GREB1L: variants seen among roughly 807,000 people sequenced by gnomAD.
GREB1L encodes GREB1 like retinoic acid receptor coactivator.
Under a neutral mutation model 200.8 loss-of-function variants are expected in GREB1L, and 17 were observed. The ratio of observed to expected loss-of-function variants is 0.08; its 90% CI spans 0.06 to 0.13. GREB1L has a LOEUF of 0.13. Ranked by LOEUF, GREB1L falls within the 10% of genes least tolerant of loss-of-function variation. The probability of loss-of-function intolerance (pLI) is 1.00; values close to 1 mark genes in which losing one functional copy is unlikely to be tolerated. For missense variants in GREB1L, 1,657 were observed against 2,367.7 expected (o/e 0.70, Z 6.23); for synonymous variants, 789 against 893.0 (o/e 0.88, Z 2.08).
chr18:21,383,966 C>A (rs903133958), intron 3 of GREB1L, among the ~76,000 whole-genome samples: 1 of 151,962 alleles, frequency 6.6e-6, no homozygotes, highest in African/African-American at 2.4e-5. Context: ...CGCCCGCCTC[C>A]GCCTCCCAAA....
At chr18:21,368,700 A>T (rs1319323387) in intron 2 of GREB1L, among the ~76,000 whole-genome samples, 2 of 152,176 alleles carry the variant, frequency 1.3e-5, no homozygotes, top group African/African-American at 4.8e-5. Context: ...CTAAGGCACA[A>T]TTTGATTTGC....
intron 1 of GREB1L, among the ~76,000 whole-genome samples, chr18:21,344,331 G>A (rs1160142265): frequency 1.3e-5 from 2 of 152,118 alleles, no homozygotes; most frequent in Non-Finnish European, 2.9e-5. Context: ...AACTCGGGAG[G>A]TGGAGGTTGC....
In GREB1L at chr18:21,518,099, A is replaced by G. The variant is rs1185283457; in HGVS notation, c.5337A>G (p.Thr1779=). Residue 1779 remains threonine, a synonymous_variant, in exon 31 of 33, where the codon ACA becomes ACG. Transcript: ENST00000424526. Reference sequence around the variant, plus strand: ...TCTGTGCTCCCGACAGTGAACACACACTACTGGCAGCCCCTGCACAGTTTC... The same window carrying G: ...TCTGTGCTCCCGACAGTGAACACACGCTACTGGCAGCCCCTGCACAGTTTC... The part of the protein sequence containing the change: ...QYICAPDSEH[T]LLAAPAQFLL... 1 of 1,551,494 alleles carries G rather than the reference A, an allele frequency of 6.4e-7. No individual in the cohort carries two copies. Among genetic ancestry groups the G allele is most frequent in the African/African-American group, 1.4e-5 (1 of 72,992 alleles).
At chr18:21,371,509 C>T (rs1306386891) in intron 2 of GREB1L, among the ~76,000 whole-genome samples, 1 of 149,686 alleles carries the variant, frequency 6.7e-6, no homozygotes, top group Non-Finnish European at 1.5e-5. Context: ...TGCTACTGGC[C>T]AGGTGCGGTG....
At chr18:21,476,393 GGAGA>G (rs140892061) in intron 16 of GREB1L, among the ~76,000 whole-genome samples, 1 of 150,838 alleles carries the variant, frequency 6.6e-6, no homozygotes, top group Admixed American at 6.6e-5. Context: ...AGGAAGGGAG[GGAGA>G]GAGAGAGAGA....
At chr18:21,363,939 A>G (rs2039618829) in intron 1 of GREB1L, 1 of 152,244 alleles carries the variant, frequency 6.6e-6, no homozygotes, top group African/African-American at 2.4e-5. Context: ...TTGGGAAATA[A>G]TCATAATGAT....
intron 7 of GREB1L, among the ~76,000 whole-genome samples, chr18:21,421,829 G>A (rs919016782): frequency 3.0e-4 from 45 of 152,120 alleles, no homozygotes; most frequent in African/African-American, 1.0e-3. Context: ...CCTATGTTTT[G>A]GAAGATTTTT....
Position 21,401,106 on chromosome 18 carries a change from T to C in GREB1L, c.533-44T>C. 2.1e-6 allele frequency: 3 copies of C among 1,458,936 alleles called. No homozygotes were observed. In the South Asian group the frequency reaches 3.7e-5, roughly 18 times the overall value. 90.4% of individuals were successfully genotyped at this position (1,458,936 alleles called of 1,614,324 possible). On this transcript the variant is annotated intron_variant, in intron 5 of 32. Coordinates refer to ENST00000424526, the MANE Select transcript of GREB1L (RefSeq NM_001142966.3). ...CTGTTTAATACGTAAAAGTATTGTA[T>C]CAACTTACAAGGCCATTAGTAACAT... is the stretch of plus-strand genomic sequence containing the variant.
Position 21,357,331 on chromosome 18 carries a change from C to T in GREB1L, c.-119-8696C>T, listed in dbSNP as rs550734353. On this transcript the variant is annotated intron_variant, in intron 1 of 32. Transcript: ENST00000424526. ...CCTCCCAAAGTGTTGGGATTACAGG[C>T]GTGAGCCTCTGCGCCCAGCCTACTT... Among the ~76,000 whole-genome samples the T allele has an allele frequency of 5.4e-4, 82 of 152,348 alleles. 1 individual carries two copies. Among genetic ancestry groups the T allele is most frequent in the Middle Eastern group, 3.4e-3 (1 of 294 alleles).
chr18:21,266,936 T>G (rs2144196886), intron 1 of GREB1L, among the ~76,000 whole-genome samples: 1 of 152,274 alleles, frequency 6.6e-6, no homozygotes, highest in East Asian at 1.9e-4. Flanking sequence ...TTTTTGTTTG[T>G]TTTTTCGTTT....
At chr18:21,273,920 GAA>G (rs982467461) in intron 1 of GREB1L, among the ~76,000 whole-genome samples, 3 of 151,972 alleles carry the variant, frequency 2.0e-5, no homozygotes, top group Admixed American at 2.0e-4. Flanking sequence ...AAAAATGAAA[GAA>G]AAACTTACTG....
chr18:21,505,650 G>A (rs924640225), intron 24 of GREB1L, 83 bp downstream of exon 24: 46 of 1,451,884 alleles, frequency 3.2e-5, no homozygotes, highest in East Asian at 1.5e-4. Context: ...CTTTTCTTTC[G>A]CTCTTATGCG....
At chr18:21,261,911 G>A (rs1199931692) in intron 1 of GREB1L, among the ~76,000 whole-genome samples, 3 of 151,874 alleles carry the variant, frequency 2.0e-5, no homozygotes, top group Admixed American at 1.3e-4. Context: ...GCTAGGAAAA[G>A]TAAAAGTGTT....
chr18:21,459,069 A>G (rs1195087932), intron 15 of GREB1L, among the ~76,000 whole-genome samples: 2 of 151,996 alleles, frequency 1.3e-5, no homozygotes, highest in African/African-American at 4.8e-5. Flanking sequence ...CAGGCAAGGA[A>G]GTTTTATCCT....
At chr18:21,473,260 T>C in intron 16 of GREB1L, 49 bp downstream of exon 16, 2 of 1,322,470 alleles carry the variant, frequency 1.5e-6, no homozygotes, top group Non-Finnish European at 1.0e-6. Context: ...ACAGGAATAA[T>C]TGTTACCTAA....
intron 1 of GREB1L, among the ~76,000 whole-genome samples, chr18:21,292,633 T>C (rs2038468223): frequency 6.6e-6 from 1 of 152,218 alleles, no homozygotes; most frequent in Non-Finnish European, 1.5e-5. Flanking sequence ...TCTGGCGTCT[T>C]TCACTTAGCC....
intron 4 of GREB1L, 24 bp from the exon 5 acceptor site, chr18:21,395,361 C>T: frequency 3.3e-6 from 5 of 1,522,172 alleles, no homozygotes; most frequent in Non-Finnish European, 4.5e-6. Context: ...TTCACTGTGT[C>T]CTTTTTTTTA....
intron 27 of GREB1L, among the ~76,000 whole-genome samples, chr18:21,508,905 C>G (rs1483818665): frequency 6.6e-6 from 1 of 152,076 alleles, no homozygotes; most frequent in Non-Finnish European, 1.5e-5. Flanking sequence ...GCTGAGCACT[C>G]TGGGGAAGGA....
At chr18:21,499,690 A>C in intron 21 of GREB1L, 39 bp from the exon 22 acceptor site, 2 of 1,428,158 alleles carry the variant, frequency 1.4e-6, no homozygotes, top group Non-Finnish European at 1.9e-6. Flanking sequence ...GATCAGTAAC[A>C]GAGCTGCTGT....
Sources: allele counts gnomAD v4.1 joint callset (sites outside exome capture counted in the v4.1 genomes callset), GRCh38; gene constraint gnomAD v4.1.1; transcripts MANE v1.5; gene names NCBI Gene and HGNC (gene_info 2026-07-23, HGNC 2026-07-21).